ABCA13: variants seen among roughly 807,000 people sequenced by gnomAD.
ABCA13 encodes the protein ATP binding cassette subfamily A member 13, also known as ATP-binding cassette sub-family A member 13.
A neutral mutation model predicts 478.7 loss-of-function variants in ABCA13; 476 were observed. The ratio of observed to expected loss-of-function variants is 0.99; its 90% CI spans 0.92 to 1.07. ABCA13 has a LOEUF of 1.07. ABCA13 is among the 50% of genes least tolerant of loss of function. The probability of loss-of-function intolerance (pLI) is 0.00; values close to 1 mark genes in which losing one functional copy is unlikely to be tolerated. For missense variants in ABCA13, 6,060 were observed against 5,910.6 expected, an observed-to-expected ratio of 1.03 and a Z score of -0.83; for synonymous variants, 2,252 against 2,158.9, an observed-to-expected ratio of 1.04 and a Z score of -1.20.
At chr7:48,452,398 C>G (rs191711224) in intron 42 of ABCA13, among the ~76,000 whole-genome samples, 2 of 152,300 alleles carry the variant, frequency 1.3e-5, no homozygotes, top group African/African-American at 4.8e-5. Flanking sequence ...GTTCCCCACC[C>G]CACAGTGGCT....
Position 48,279,020 on chromosome 7 carries a change from C to T in ABCA13, c.7826C>T (p.Ser2609Leu). ...ATGATTGGGGTAGAACCTTATATAT[C>T]ATCAAACTCTGATATTTTCAGTATG... ...FEMIGVEPYI[S>L]SNSDIFSMSP... The change falls in exon 18 of 62, where the codon TCA (serine) becomes TTA (leucine). Residue 2609 changes from serine to leucine, a missense_variant. This residue lies in a region of ABCA13 where 4,423 missense variants were observed against 4,309.1 expected (regional missense o/e 1.03). Coordinates refer to ENST00000435803, the MANE Select transcript of ABCA13 (RefSeq NM_152701.5). 1 of 1,613,304 alleles carries T rather than the reference C, an allele frequency of 6.2e-7. No homozygotes were observed. The highest frequency in any genetic ancestry group is 8.5e-7 in the Non-Finnish European group (1 of 1,179,782).
intron 57 of ABCA13, among the ~76,000 whole-genome samples, chr7:48,591,744 T>A (rs953991592): frequency 6.6e-6 from 1 of 151,968 alleles, no homozygotes; most frequent in African/African-American, 2.4e-5. Flanking sequence ...TAAATGAAAT[T>A]GTCTAAAATT....
intron 23 of ABCA13, among the ~76,000 whole-genome samples, chr7:48,300,223 C>T (rs1433232668): frequency 3.3e-5 from 5 of 152,220 alleles, no homozygotes; most frequent in African/African-American, 1.2e-4. Flanking sequence ...ACATCAGATT[C>T]TTAGTCCAGG....
Position 48,490,947 on chromosome 7 carries a change from G to A in ABCA13, c.13291+1603G>A, listed in dbSNP as rs372950940. On this transcript the variant is annotated intron_variant, in intron 48 of 61. Transcript: ENST00000435803. The stretch of plus-strand genomic sequence containing the variant: ...GAAGGATACTGCTCACAATTTTGAG[G>A]TTAAGGCCAGGATGAATCCAGAGGA... Among the ~76,000 whole-genome samples, 11 of 152,280 alleles carry A rather than the reference G, an allele frequency of 7.2e-5. No individual in the cohort carries two copies. In the South Asian group the frequency reaches 2.3e-3, roughly 32 times the overall value.
At chr7:48,433,881 A>G (rs1050800678) in intron 42 of ABCA13, among the ~76,000 whole-genome samples, 1 of 152,166 alleles carries the variant, frequency 6.6e-6, no homozygotes, top group Non-Finnish European at 1.5e-5. Context: ...ATAATATTCC[A>G]TTATATGTAT....
intron 38 of ABCA13, among the ~76,000 whole-genome samples, chr7:48,394,673 AT>A (rs542686156): frequency 3.3e-5 from 5 of 151,060 alleles, no homozygotes; most frequent in Non-Finnish European, 7.4e-5. Context: ...GAATAACTGG[AT>A]TTTTTTTTCA....
At chr7:48,455,838 G>T (rs1329637022) in intron 43 of ABCA13, among the ~76,000 whole-genome samples, 1 of 152,192 alleles carries the variant, frequency 6.6e-6, no homozygotes, top group Non-Finnish European at 1.5e-5. Context: ...AAGAGCCTGG[G>T]TTTTTGCCAC....
chr7:48,227,858 A>C (rs2128984983), intron 6 of ABCA13, among the ~76,000 whole-genome samples: 1 of 152,282 alleles, frequency 6.6e-6, no homozygotes, highest in Middle Eastern at 3.4e-3. Flanking sequence ...TTTCTTAAGA[A>C]ATTATGCCAT....
At chr7:48,524,925 A>G (rs567712028) in intron 54 of ABCA13, among the ~76,000 whole-genome samples, 5 of 152,336 alleles carry the variant, frequency 3.3e-5, no homozygotes, top group African/African-American at 7.2e-5. Flanking sequence ...TTTAATCAGA[A>G]CTGACAGAAG....
intron 3 of ABCA13, among the ~76,000 whole-genome samples, chr7:48,201,163 T>C (rs962086090): frequency 2.6e-5 from 4 of 152,236 alleles, no homozygotes; most frequent in Non-Finnish European, 4.4e-5. Context: ...GGAGAACTCC[T>C]GAGTCATTCA....
At chr7:48,394,938 G>A (rs985718911) in intron 38 of ABCA13, among the ~76,000 whole-genome samples, 9 of 152,108 alleles carry the variant, frequency 5.9e-5, no homozygotes, top group South Asian at 2.1e-4. Context: ...GCTGCCCTTG[G>A]TTGTATGGTG....
At chr7:48,588,259 A>T (rs1249859164) in intron 57 of ABCA13, among the ~76,000 whole-genome samples, 1 of 152,180 alleles carries the variant, frequency 6.6e-6, no homozygotes, top group African/African-American at 2.4e-5. Context: ...CCAGAATCTG[A>T]TAATAAAAAC....
chr7:48,330,591 A>C (rs1805207834), intron 27 of ABCA13, among the ~76,000 whole-genome samples: 1 of 151,246 alleles, frequency 6.6e-6, no homozygotes, highest in Admixed American at 6.6e-5. Flanking sequence ...CCATTCATTC[A>C]TGCATCTATT....
chr7:48,309,650 C>T (rs1001141274), intron 23 of ABCA13, among the ~76,000 whole-genome samples: 2 of 152,044 alleles, frequency 1.3e-5, no homozygotes, highest in Non-Finnish European at 2.9e-5. Context: ...GCTTGGTGGG[C>T]ATTCAGAGTG....
intron 55 of ABCA13, among the ~76,000 whole-genome samples, chr7:48,547,615 C>A (rs1784936143): frequency 2.0e-5 from 3 of 151,880 alleles, no homozygotes; most frequent in African/African-American, 7.2e-5. Flanking sequence ...CACTCCTCTG[C>A]ACACATGGTC....
chr7:48,580,770 G>A (rs1788628039), intron 56 of ABCA13, among the ~76,000 whole-genome samples: 1 of 152,114 alleles, frequency 6.6e-6, no homozygotes, highest in African/African-American at 2.4e-5. Flanking sequence ...CAAATTATGT[G>A]TGGAATCTGG....
intron 3 of ABCA13, among the ~76,000 whole-genome samples, chr7:48,213,249 T>A (rs1039626740): frequency 6.6e-6 from 1 of 152,230 alleles, no homozygotes; most frequent in Non-Finnish European, 1.5e-5. Flanking sequence ...GGGCTGTTTT[T>A]GGACTCTCAG....
intron 6 of ABCA13, 72 bp downstream of exon 6, chr7:48,227,497 A>AT (rs1451477670): frequency 1.3e-5 from 20 of 1,495,706 alleles, no homozygotes. Flanking sequence ...AATGAGAAAT[A>AT]AAAATTACTA....
At chr7:48,296,889 T>C (rs1799451541) in intron 21 of ABCA13, among the ~76,000 whole-genome samples, 1 of 152,244 alleles carries the variant, frequency 6.6e-6, no homozygotes, top group African/African-American at 2.4e-5. Flanking sequence ...AGAATGATGT[T>C]CATCTGACCC....
Sources: allele counts gnomAD v4.1 joint callset (sites outside exome capture counted in the v4.1 genomes callset), GRCh38; gene constraint gnomAD v4.1.1; regional missense constraint gnomAD v4.1.1; transcripts MANE v1.5; gene names NCBI Gene and HGNC (gene_info 2026-07-23, HGNC 2026-07-21).